The following TSPAN5 variants were observed in gnomAD, a reference collection of about 807,000 sequenced individuals.
TSPAN5 encodes the protein tetraspanin-5.
Under a neutral mutation model 37.1 loss-of-function variants are expected in TSPAN5, and 10 were observed. That is an observed-to-expected ratio of 0.27 (90% CI 0.17 to 0.46). The LOEUF is 0.46. Among genes scored for constraint, TSPAN5 ranks in the 20% least tolerant of loss-of-function variants. The pLI, the probability that TSPAN5 is intolerant of heterozygous loss-of-function variation, is 1.00. For synonymous variants in TSPAN5, 110 were observed against 118.9 expected, an observed-to-expected ratio of 0.93 and a Z score of 0.48; for missense variants, 195 against 326.6, an observed-to-expected ratio of 0.60 and a Z score of 3.11.
intron 1 of TSPAN5, among the ~76,000 whole-genome samples, chr4:98,547,132 T>C (rs1754488874): frequency 1.3e-5 from 2 of 152,128 alleles, no homozygotes; most frequent in Admixed American, 1.3e-4. Flanking sequence ...CTCGCTCTTC[T>C]CTTGTGTGGC....
intron 1 of TSPAN5, among the ~76,000 whole-genome samples, chr4:98,608,244 C>G (rs932834323): frequency 6.6e-6 from 1 of 152,136 alleles, no homozygotes. Flanking sequence ...GAATTCTTCA[C>G]TTCCTTTTTT....
intron 1 of TSPAN5, among the ~76,000 whole-genome samples, chr4:98,528,835 C>A (rs1328835919): frequency 1.3e-5 from 2 of 152,180 alleles, no homozygotes; most frequent in African/African-American, 4.8e-5. Flanking sequence ...GACCTGCCCA[C>A]CACTCTGCTG....
At chr4:98,583,641 C>T (rs1755418938) in intron 1 of TSPAN5, among the ~76,000 whole-genome samples, 1 of 152,236 alleles carries the variant, frequency 6.6e-6, no homozygotes, top group Non-Finnish European at 1.5e-5. Flanking sequence ...CTGGTAAGCT[C>T]AGACAACAGA....
chr4:98,503,534 T>C (rs1753404569), intron 2 of TSPAN5, among the ~76,000 whole-genome samples: 1 of 152,138 alleles, frequency 6.6e-6, no homozygotes. Flanking sequence ...CCAGAATCAA[T>C]GAGTGAAAAC....
At chr4:98,517,628 G>A (rs1753764004) in intron 1 of TSPAN5, among the ~76,000 whole-genome samples, 2 of 152,050 alleles carry the variant, frequency 1.3e-5, no homozygotes, top group Non-Finnish European at 1.5e-5. Flanking sequence ...GCAAGGACTA[G>A]TCATCTGAGA....
At chr4:98,503,463 T>C (rs576648163) in intron 2 of TSPAN5, among the ~76,000 whole-genome samples, 138 of 152,180 alleles carry the variant, frequency 9.1e-4, no homozygotes, top group African/African-American at 3.2e-3. Context: ...GCCCTCACCC[T>C]GACATACCTC....
chr4:98,479,080 G>A (rs1337695915), intron 4 of TSPAN5, among the ~76,000 whole-genome samples: 2 of 152,208 alleles, frequency 1.3e-5, no homozygotes, highest in Non-Finnish European at 2.9e-5. Flanking sequence ...CAGCTGTACA[G>A]CAGGGCTCAG....
At chr4:98,577,385 C>T (rs1234502998) in intron 1 of TSPAN5, among the ~76,000 whole-genome samples, 1 of 152,036 alleles carries the variant, frequency 6.6e-6, no homozygotes, top group Non-Finnish European at 1.5e-5. Context: ...TATTGTTTCC[C>T]CCCCTGAAAC....
At chr4:98,526,031 C>T (rs1353886326) in intron 1 of TSPAN5, among the ~76,000 whole-genome samples, 1 of 152,160 alleles carries the variant, frequency 6.6e-6, no homozygotes, top group Non-Finnish European at 1.5e-5. Context: ...CGTGTACATA[C>T]ACAGAAACAT....
At chr4:98,647,408 AG>A (rs1460556702) in intron 1 of TSPAN5, among the ~76,000 whole-genome samples, 1 of 152,248 alleles carries the variant, frequency 6.6e-6, no homozygotes, top group Non-Finnish European at 1.5e-5. Context: ...GCTTAAGTCA[AG>A]TATTCCTCTT....
In TSPAN5 at chr4:98,638,628, G is replaced by A. The variant is rs77820380; in HGVS notation, c.81+19518C>T. On this transcript the variant is annotated intron_variant, in intron 1 of 7. Coordinates refer to ENST00000305798, the MANE Select transcript of TSPAN5 (RefSeq NM_005723.4). ...AAAGGTATGGGGCAAGGGACATGGC[G>A]CTTCCATGCCCTTTCTAGAGCACCA... Among the ~76,000 whole-genome samples, 256 of 152,282 alleles carry A rather than the reference G, an allele frequency of 1.7e-3. 1 individual carries two copies. Among genetic ancestry groups the A allele is most frequent in the African/African-American group, 5.9e-3 (244 of 41,550 alleles).
chr4:98,500,409 TG>T (rs1257180654), intron 2 of TSPAN5: 2 of 152,250 alleles, frequency 1.3e-5, no homozygotes, highest in African/African-American at 4.8e-5. Context: ...AAAAGCAATA[TG>T]GGGGCTAGAG....
chr4:98,566,813 C>T (rs552655299), intron 1 of TSPAN5, among the ~76,000 whole-genome samples: 4 of 152,332 alleles, frequency 2.6e-5, no homozygotes, highest in African/African-American at 4.8e-5. Flanking sequence ...GGTGGGTGCA[C>T]AGCCCTTGGC....
At chr4:98,553,216 T>G (rs1348800440) in intron 1 of TSPAN5, among the ~76,000 whole-genome samples, 1 of 152,178 alleles carries the variant, frequency 6.6e-6, no homozygotes, top group Non-Finnish European at 1.5e-5. Flanking sequence ...CTAAAAGTGT[T>G]GGAGTAAATT....
chr4:98,496,427 T>A (rs1356414281), intron 2 of TSPAN5: 1 of 152,250 alleles, frequency 6.6e-6, no homozygotes, highest in Non-Finnish European at 1.5e-5. Context: ...GATACAAGGA[T>A]AAAAGACGAC....
intron 1 of TSPAN5, among the ~76,000 whole-genome samples, chr4:98,580,032 C>G (rs1370776635): frequency 6.6e-6 from 1 of 152,110 alleles, no homozygotes; most frequent in Non-Finnish European, 1.5e-5. Flanking sequence ...CAACAGCTTT[C>G]TCTTCTTATT....
chr4:98,621,796 C>T (rs140323879), intron 1 of TSPAN5, among the ~76,000 whole-genome samples: 117 of 151,100 alleles, frequency 7.7e-4, no homozygotes, highest in African/African-American at 2.7e-3. Flanking sequence ...CCACCCCCCC[C>T]GCAGCCCCTG....
intron 3 of TSPAN5, chr4:98,483,802 T>C (rs1752899805): frequency 6.6e-6 from 1 of 152,446 alleles, no homozygotes; most frequent in Admixed American, 6.5e-5. Context: ...TTCTTAATTA[T>C]CATCAGTGAT....
rs182321186 is a variant in TSPAN5 at position 98,532,060 on chromosome 4, T to G, written c.82-24332A>C. Among the ~76,000 whole-genome samples the G allele has an allele frequency of 5.3e-4, 81 of 152,366 alleles. 1 individual carries two copies. In the East Asian group the frequency reaches 0.013, roughly 24 times the overall value. On this transcript the variant is annotated intron_variant, in intron 1 of 7. Coordinates refer to ENST00000305798, the MANE Select transcript of TSPAN5 (RefSeq NM_005723.4). ...TTCGCTGTGCAGAAGCTCTTTAGTT[T>G]AATTAGATCCCATTTGTCTATTTTG...
Sources: gnomAD v4.1 joint callset for allele counts (sites outside exome capture counted in the v4.1 genomes callset) on GRCh38, gnomAD v4.1.1 for gene constraint, MANE v1.5 for transcripts, NCBI Gene and HGNC (gene_info 2026-07-23, HGNC 2026-07-21) for gene names.